FSHR: variants seen among roughly 807,000 people sequenced by gnomAD.
FSHR encodes follicle-stimulating hormone receptor.
Under a neutral mutation model 52.1 loss-of-function variants are expected in FSHR, and 46 were observed. The ratio of observed to expected loss-of-function variants is 0.88; its 90% CI spans 0.70 to 1.13. FSHR has a LOEUF of 1.13. Among genes scored for constraint, FSHR ranks in the 50% most tolerant of loss-of-function variants. FSHR has a pLI of 0.00. For synonymous variants in FSHR, 399 were observed against 309.6 expected, an observed-to-expected ratio of 1.29 and a Z score of -3.03; for missense variants, 964 against 834.6, an observed-to-expected ratio of 1.16 and a Z score of -1.91.
At chr2:49,108,453 G>A (rs1414055352) in intron 1 of FSHR, among the ~76,000 whole-genome samples, 8 of 152,110 alleles carry the variant, frequency 5.3e-5, no homozygotes, top group Admixed American at 5.2e-4. Context: ...TCTCTAGCGT[G>A]TCTTTTGCCC....
rs1230033492 is a variant in FSHR, at chr2:48,962,843, A to G, written c.1978T>C (p.Ser660Pro). 6 of 1,614,170 alleles carry G rather than the reference A, an allele frequency of 3.7e-6. No homozygotes were observed. Among genetic ancestry groups the G allele is most frequent in the Non-Finnish European group, 5.1e-6 (6 of 1,180,012 alleles). ...CTTGGATGGGTGTTGTGGACAGTGG[A>G]TGAAGTTTCTGTCCTATAAATTTGG... ...QAQIYRTETS[S>P]TVHNTHPRNG... The change falls in exon 10 of 10, where the codon TCC becomes CCC. Residue 660 changes from serine to proline, a missense_variant. Ser to Pro is a moderately conservative substitution (Grantham distance 74). Coordinates refer to ENST00000406846, the MANE Select transcript of FSHR (RefSeq NM_000145.4).
In FSHR at chr2:48,995,398, G is replaced by A. The variant is rs575587322; in HGVS notation, c.375-4761C>T. Among the ~76,000 whole-genome samples, 6 of 152,200 alleles carry A rather than the reference G, an allele frequency of 3.9e-5. No homozygotes were observed. In the East Asian group the frequency reaches 9.6e-4, roughly 24 times the overall value. On this transcript the variant is annotated intron_variant, in intron 4 of 9. Coordinates refer to ENST00000406846, the MANE Select transcript of FSHR (RefSeq NM_000145.4). ...AAGTGCTTATAGGAAGAGGAAAAAAGTCAAGTATCTTAGAAACTACAGAGC... is the reference window on the plus strand; with the variant it reads ...AAGTGCTTATAGGAAGAGGAAAAAAATCAAGTATCTTAGAAACTACAGAGC...
At chr2:49,086,111 A>G (rs972091588) in intron 1 of FSHR, among the ~76,000 whole-genome samples, 1 of 152,204 alleles carries the variant, frequency 6.6e-6, no homozygotes, top group African/African-American at 2.4e-5. Flanking sequence ...CTTAAAGTAT[A>G]ATAATAAAAA....
At chr2:49,021,886 T>TATATATATATATATAG (rs1273265515) in intron 2 of FSHR, among the ~76,000 whole-genome samples, 9 of 25,110 alleles carry the variant, frequency 3.6e-4, no homozygotes, top group Non-Finnish European at 6.6e-4. Flanking sequence ...TATATATATA[T>TATATATATATATATAG]AGAGAGAGAG....
chr2:49,085,911 C>T (rs1249631294), intron 1 of FSHR, among the ~76,000 whole-genome samples: 1 of 138,700 alleles, frequency 7.2e-6, no homozygotes, highest in Non-Finnish European at 1.5e-5. Flanking sequence ...GGGAATTGAA[C>T]AATGAGAACA....
intron 2 of FSHR, among the ~76,000 whole-genome samples, chr2:49,037,131 A>C (rs1910566): frequency 0.47 from 72,052 of 151,922 alleles, 17,758 homozygotes; most frequent in African/African-American, 0.6. Context: ...AAACTGGGGA[A>C]TCTAAACCAG....
chr2:49,027,764 C>T (rs891037922), intron 2 of FSHR, among the ~76,000 whole-genome samples: 2 of 149,872 alleles, frequency 1.3e-5, no homozygotes, highest in East Asian at 2.0e-4. Flanking sequence ...GCATTAGAAT[C>T]ACTTGAGCCC....
chr2:49,067,379 A>G (rs1669546029), intron 2 of FSHR, among the ~76,000 whole-genome samples: 1 of 152,152 alleles, frequency 6.6e-6, no homozygotes, highest in Non-Finnish European at 1.5e-5. Context: ...AGATAAAGTT[A>G]ATGACTTCAA....
chr2:49,118,428 T>C (rs768189564), intron 1 of FSHR, among the ~76,000 whole-genome samples: 8 of 152,206 alleles, frequency 5.3e-5, no homozygotes, highest in Non-Finnish European at 1.0e-4. Flanking sequence ...CAGTGGCTTT[T>C]GGACCCCTGT....
In FSHR at chr2:48,976,969, G is replaced by A. The variant is rs993774067; in HGVS notation, c.668+5943C>T. Among the ~76,000 whole-genome samples the A allele has an allele frequency of 6.6e-5, 10 of 151,792 alleles. No homozygotes were observed. In the South Asian group the frequency reaches 8.3e-4, roughly 13 times the overall value. ...TACTGACGTTTTTGAGGGGTTTTTC[G>A]TGTCTCTGTCTCCTTCAGTTATACC... On this transcript the variant is annotated intron_variant, in intron 8 of 9. Transcript: ENST00000406846.
intron 1 of FSHR, among the ~76,000 whole-genome samples, chr2:49,153,172 A>G (rs927432103): frequency 3.3e-5 from 5 of 152,242 alleles, no homozygotes; most frequent in Non-Finnish European, 7.3e-5. Context: ...CAACACCAAC[A>G]TGTTTCAGTG....
chr2:49,054,611 C>T (rs1467139870), intron 2 of FSHR, among the ~76,000 whole-genome samples: 2 of 152,158 alleles, frequency 1.3e-5, no homozygotes, highest in Non-Finnish European at 2.9e-5. Flanking sequence ...AGCCACATGG[C>T]CCCAACCCCA....
At chr2:49,067,226 C>T (rs369893936) in intron 2 of FSHR, among the ~76,000 whole-genome samples, 1 of 152,098 alleles carries the variant, frequency 6.6e-6, no homozygotes, top group Admixed American at 6.6e-5. Context: ...AGGATTCTGA[C>T]CACCCTCTTT....
intron 2 of FSHR, among the ~76,000 whole-genome samples, chr2:49,055,075 A>C (rs1340344372): frequency 6.6e-6 from 1 of 152,134 alleles, no homozygotes; most frequent in African/African-American, 2.4e-5. Flanking sequence ...AAAGAATTGA[A>C]AATAATAATT....
chr2:49,101,423 C>T (rs1195404313), intron 1 of FSHR, among the ~76,000 whole-genome samples: 4 of 152,102 alleles, frequency 2.6e-5, no homozygotes, highest in African/African-American at 7.2e-5. Flanking sequence ...GACTGAAAGA[C>T]TCTTGTCCAC....
Position 48,962,406 on chromosome 2 carries a change from G to C in FSHR, c.*327C>G. 3.4e-6 allele frequency: 1 copy of C among 298,334 alleles called. No homozygotes were observed. The highest frequency in any genetic ancestry group is 3.6e-5 in the South Asian group (1 of 27,572). The allele number at this position is 298,334 out of a possible 1,614,324, so 18.5% of individuals were successfully genotyped here. A position where few individuals can be genotyped will look rare whatever the true frequency, so the allele number is the denominator to read the frequency against. On this transcript the variant is annotated 3_prime_UTR_variant, in exon 10 of 10. Coordinates refer to ENST00000406846, the MANE Select transcript of FSHR (RefSeq NM_000145.4). ...GGTTTCCTCATTTGTAAAACTCCAA[G>C]AATAATCCCTGTCCTGCTTATTTAA...
chr2:49,128,314 G>A (rs1275067307), intron 1 of FSHR, among the ~76,000 whole-genome samples: 1 of 152,022 alleles, frequency 6.6e-6, no homozygotes, highest in Non-Finnish European at 1.5e-5. Context: ...AACTAATAAA[G>A]TAAAATTATA....
chr2:49,118,637 T>C (rs1237287282), intron 1 of FSHR, among the ~76,000 whole-genome samples: 1 of 152,190 alleles, frequency 6.6e-6, no homozygotes, highest in Admixed American at 6.5e-5. Flanking sequence ...GTGGGTCACA[T>C]TGGCCAAGAA....
At chr2:49,083,718 C>T (rs1253596753) in intron 1 of FSHR, among the ~76,000 whole-genome samples, 2 of 149,506 alleles carry the variant, frequency 1.3e-5, no homozygotes, top group Non-Finnish European at 3.0e-5. Flanking sequence ...AAACAGACTT[C>T]AAACCAACAA....
Sources: allele counts gnomAD v4.1 joint callset (sites outside exome capture counted in the v4.1 genomes callset), GRCh38; gene constraint gnomAD v4.1.1; transcripts MANE v1.5; gene names NCBI Gene and HGNC (gene_info 2026-07-23, HGNC 2026-07-21).